The following MCPH1 variants were observed in gnomAD, a reference collection of about 807,000 sequenced individuals.
The protein encoded by MCPH1 is microcephalin.
MCPH1 carries 104 observed loss-of-function variants against 84.5 expected under a neutral mutation model. The ratio of observed to expected loss-of-function variants is 1.23; its 90% confidence interval spans 1.05 to 1.45. The LOEUF is 1.45. Among genes scored for constraint, MCPH1 ranks in the 40% most tolerant of loss-of-function variants. MCPH1 has a pLI of 0.00. For synonymous variants in MCPH1, 514 were observed against 366.8 expected, an observed-to-expected ratio of 1.40 and a Z score of -4.58; for missense variants, 1,498 against 1,005.7, an observed-to-expected ratio of 1.49 and a Z score of -6.62.
At chr8:6,641,394 T>C (rs1304740190) in intron 13 of MCPH1, among the ~76,000 whole-genome samples, 1 of 152,172 alleles carries the variant, frequency 6.6e-6, no homozygotes, top group Non-Finnish European at 1.5e-5. Flanking sequence ...GACAAAGTGT[T>C]GATATAATTT....
chr8:6,420,506 TTTC>T (rs1198024469), intron 3 of MCPH1, among the ~76,000 whole-genome samples: 2 of 152,210 alleles, frequency 1.3e-5, no homozygotes, highest in African/African-American at 4.8e-5. Flanking sequence ...TTTATTTAAG[TTTC>T]TTTTTTATTT....
At chr8:6,602,397 G>T (rs762498513) in intron 12 of MCPH1, among the ~76,000 whole-genome samples, 2 of 152,108 alleles carry the variant, frequency 1.3e-5, no homozygotes, top group Non-Finnish European at 2.9e-5. Flanking sequence ...CTGGCAACCA[G>T]AGGTGTCCGC....
chr8:6,580,606 A>G (rs561515574), intron 12 of MCPH1, among the ~76,000 whole-genome samples: 2 of 152,182 alleles, frequency 1.3e-5, no homozygotes, highest in African/African-American at 2.4e-5. Context: ...AGCTGTGATC[A>G]TGCCACTGCA....
At chr8:6,612,400 C>T (rs977683968) in intron 12 of MCPH1, among the ~76,000 whole-genome samples, 12 of 152,168 alleles carry the variant, frequency 7.9e-5, no homozygotes, top group Admixed American at 7.2e-4. Flanking sequence ...CTGAGGCTTT[C>T]ATCCTTCTCC....
At chr8:6,559,561 A>G (rs982550536) in intron 12 of MCPH1, among the ~76,000 whole-genome samples, 2 of 152,204 alleles carry the variant, frequency 1.3e-5, no homozygotes, top group African/African-American at 2.4e-5. Flanking sequence ...GTAGGCATCA[A>G]CTTTATTTTT....
intron 12 of MCPH1, among the ~76,000 whole-genome samples, chr8:6,558,392 C>A (rs922866738): frequency 1.3e-5 from 2 of 152,234 alleles, no homozygotes; most frequent in East Asian, 3.9e-4. Context: ...ACTCCCATGG[C>A]GGTAGAGTTG....
At chr8:6,407,356 T>C (rs979589024) in intron 1 of MCPH1, among the ~76,000 whole-genome samples, 1 of 152,054 alleles carries the variant, frequency 6.6e-6, no homozygotes, top group African/African-American at 2.4e-5. Context: ...TCTTATATCA[T>C]TTTACAGGCA....
At chr8:6,513,842 T>A in intron 12 of MCPH1, 1 of 1,603,494 alleles carries the variant, frequency 6.2e-7, no homozygotes, top group African/African-American at 1.3e-5. Context: ...GGTTACCAAA[T>A]CCCTGTAATG....
chr8:6,412,450 C>T (rs903498711), intron 2 of MCPH1, among the ~76,000 whole-genome samples: 1 of 152,220 alleles, frequency 6.6e-6, no homozygotes, highest in African/African-American at 2.4e-5. Flanking sequence ...TAGTCGTTAA[C>T]ATCGTAAGAT....
At chr8:6,481,102 G>A (rs1429569766) in intron 11 of MCPH1, among the ~76,000 whole-genome samples, 1 of 152,196 alleles carries the variant, frequency 6.6e-6, no homozygotes, top group Non-Finnish European at 1.5e-5. Flanking sequence ...AGGGTAGAGA[G>A]CAGGAAGTGA....
intron 6 of MCPH1, among the ~76,000 whole-genome samples, chr8:6,439,419 T>C (rs899509848): frequency 4.6e-5 from 7 of 151,004 alleles, no homozygotes; most frequent in Non-Finnish European, 1.0e-4. Context: ...AGATGGAGTT[T>C]TGCATTTGTC....
At chr8:6,585,983 T>G (rs1441639968) in intron 12 of MCPH1, among the ~76,000 whole-genome samples, 2 of 152,184 alleles carry the variant, frequency 1.3e-5, no homozygotes, top group African/African-American at 4.8e-5. Context: ...GTTTTTGAGC[T>G]AGGGTCTCAC....
intron 13 of MCPH1, among the ~76,000 whole-genome samples, chr8:6,638,951 C>T (rs1186104289): frequency 2.0e-5 from 3 of 152,166 alleles, no homozygotes; most frequent in Admixed American, 6.5e-5. Flanking sequence ...CAGCCCCATG[C>T]GCACCTCAAC....
At chr8:6,474,221 T>C (rs1808140838) in intron 9 of MCPH1, 4 of 649,490 alleles carry the variant, frequency 6.2e-6, no homozygotes, top group Non-Finnish European at 1.1e-5. Flanking sequence ...CTCTTCATCA[T>C]AGTCGTCATA....
Position 6,459,787 on chromosome 8 carries a change from T to C in MCPH1, c.1935+4535T>C, listed in dbSNP as rs143341808. On this transcript the variant is annotated intron_variant, in intron 9 of 13. Transcript: ENST00000344683. The stretch of plus-strand genomic sequence containing the variant: ...AGGTAATGTCCTATCTGGGCAGCCC[T>C]GCAGACAGGACTGTCAGTCGATGAG... Among the ~76,000 whole-genome samples the C allele has an allele frequency of 2.0e-5, 3 of 152,340 alleles. No individual in the cohort carries two copies. The East Asian group carries it at 5.8e-4, about 29-fold the overall frequency.
chr8:6,609,820 C>CT (rs780623659), intron 12 of MCPH1, among the ~76,000 whole-genome samples: 1 of 22,118 alleles, frequency 4.5e-5, no homozygotes, highest in Non-Finnish European at 2.4e-4. Context: ...ATGCCCCCCG[C>CT]CCCCCCCCCA....
At chr8:6,438,648 A>C (rs1472220354) in intron 5 of MCPH1, among the ~76,000 whole-genome samples, 1 of 152,206 alleles carries the variant, frequency 6.6e-6, no homozygotes, top group African/African-American at 2.4e-5. Flanking sequence ...TCTGTGTCTC[A>C]GTCTTTGTCT....
At chr8:6,591,321 C>T (rs553607518) in intron 12 of MCPH1, among the ~76,000 whole-genome samples, 1 of 152,326 alleles carries the variant, frequency 6.6e-6, no homozygotes, top group East Asian at 1.9e-4. Context: ...TGGCTACATC[C>T]TAGTTGAACT....
chr8:6,470,977 C>G (rs1389750622), intron 9 of MCPH1, among the ~76,000 whole-genome samples: 1 of 152,210 alleles, frequency 6.6e-6, no homozygotes, highest in East Asian at 1.9e-4. Context: ...TCATCTTATT[C>G]TTTCTCTAAA....
Sources: allele counts gnomAD v4.1 joint callset (sites outside exome capture counted in the v4.1 genomes callset), GRCh38; gene constraint gnomAD v4.1.1; transcripts MANE v1.5; gene names NCBI Gene and HGNC (gene_info 2026-07-23, HGNC 2026-07-21).